Variants in KCNH5 observed in about 807,000 individuals in gnomAD.
The protein encoded by KCNH5 is potassium voltage-gated channel subfamily H member 5.
Under a neutral mutation model 96.1 loss-of-function variants are expected in KCNH5, and 46 were observed. The observed-to-expected ratio is 0.48, with a 90% CI of 0.38 to 0.61. KCNH5 has a LOEUF of 0.61. Among genes scored for constraint, KCNH5 ranks in the 20% least tolerant of loss-of-function variants. KCNH5 has a pLI of 0.00. For synonymous variants in KCNH5, 439 were observed against 449.8 expected, an observed-to-expected ratio of 0.98 and a Z score of 0.30; for missense variants, 907 against 1,225.8, an observed-to-expected ratio of 0.74 and a Z score of 3.88.
intron 8 of KCNH5, among the ~76,000 whole-genome samples, chr14:62,825,478 C>T (rs985616255): frequency 1.3e-5 from 2 of 151,882 alleles, no homozygotes; most frequent in African/African-American, 4.8e-5. Context: ...GACACCTAGT[C>T]TAATTTCCTT....
At chr14:62,732,980 T>G (rs1885082984) in intron 10 of KCNH5, among the ~76,000 whole-genome samples, 1 of 151,950 alleles carries the variant, frequency 6.6e-6, no homozygotes, top group Admixed American at 6.6e-5. Context: ...CTCTCTCTCT[T>G]CTCATCTCTT....
intron 10 of KCNH5, among the ~76,000 whole-genome samples, chr14:62,735,047 T>C (rs963072150): frequency 6.6e-6 from 1 of 152,150 alleles, no homozygotes. Context: ...AGCCTAGATA[T>C]ATATGCCTTA....
intron 8 of KCNH5, among the ~76,000 whole-genome samples, chr14:62,804,964 T>C (rs1886736101): frequency 6.6e-6 from 1 of 152,192 alleles, no homozygotes; most frequent in African/African-American, 2.4e-5. Flanking sequence ...GTTTGACTGG[T>C]TTCCAGACAG....
At chr14:62,786,464 T>C (rs1055626910) in intron 9 of KCNH5, among the ~76,000 whole-genome samples, 4 of 152,070 alleles carry the variant, frequency 2.6e-5, no homozygotes, top group African/African-American at 9.7e-5. Flanking sequence ...GTAAAATCAC[T>C]ATAGTGAATC....
intron 8 of KCNH5, among the ~76,000 whole-genome samples, chr14:62,823,642 C>T (rs1040740856): frequency 6.6e-6 from 1 of 152,184 alleles, no homozygotes; most frequent in Admixed American, 6.6e-5. Flanking sequence ...TTATTATAAA[C>T]ACTTCAGATT....
chr14:62,999,362 C>T lies in KCNH5; in HGVS notation c.433+1969G>A, dbSNP rs564060568. ...TTGAGAAGTGTCTGTTCATATCCTT[C>T]GCCCACTTTTTGATGGGGTTGTTTG... On this transcript the variant is annotated intron_variant, in intron 4 of 10. Coordinates refer to ENST00000322893, the MANE Select transcript of KCNH5 (RefSeq NM_139318.5). Among the ~76,000 whole-genome samples, 24 of 152,184 alleles carry T rather than the reference C, an allele frequency of 1.6e-4. No homozygotes were observed. The East Asian group carries it at 1.7e-3, about 11-fold the overall frequency.
intron 8 of KCNH5, among the ~76,000 whole-genome samples, chr14:62,807,652 C>T (rs949986741): frequency 2.0e-5 from 3 of 152,014 alleles, no homozygotes; most frequent in East Asian, 1.9e-4. Flanking sequence ...ATGTGGAATT[C>T]GCCATGCCCC....
chr14:62,789,240 C>G (rs910806420), intron 9 of KCNH5, among the ~76,000 whole-genome samples: 1 of 151,994 alleles, frequency 6.6e-6, no homozygotes, highest in African/African-American at 2.4e-5. Context: ...TTCATCCATG[C>G]TGTGGCAAAT....
At chr14:62,780,771 A>G (rs1258175903) in intron 9 of KCNH5, among the ~76,000 whole-genome samples, 1 of 152,172 alleles carries the variant, frequency 6.6e-6, no homozygotes, top group African/African-American at 2.4e-5. Flanking sequence ...CCAAAAGGCC[A>G]TTCTGCCGAG....
chr14:63,010,724 G>A (rs545987099), intron 2 of KCNH5, among the ~76,000 whole-genome samples: 16 of 152,270 alleles, frequency 1.1e-4, no homozygotes, highest in Admixed American at 1.0e-3. Context: ...CTTGTAGCAG[G>A]ATTTATTTAT....
chr14:62,860,613 A>G (rs563997510), intron 7 of KCNH5, among the ~76,000 whole-genome samples: 31 of 152,212 alleles, frequency 2.0e-4, no homozygotes, highest in South Asian at 4.1e-4. Context: ...ACCAGAGAGT[A>G]AAACTCTATG....
chr14:62,770,778 T>C (rs1358410493), intron 10 of KCNH5, among the ~76,000 whole-genome samples: 1 of 152,216 alleles, frequency 6.6e-6, no homozygotes, highest in African/African-American at 2.4e-5. Flanking sequence ...CCAGTAATGT[T>C]ACACTCCAGC....
intron 7 of KCNH5, among the ~76,000 whole-genome samples, chr14:62,867,976 G>A (rs1452006342): frequency 6.6e-6 from 1 of 152,218 alleles, no homozygotes; most frequent in East Asian, 1.9e-4. Flanking sequence ...ATTGGATTGT[G>A]AATATGCTTG....
chr14:62,852,593 GC>G (rs1342574302), intron 7 of KCNH5, among the ~76,000 whole-genome samples: 3 of 98,530 alleles, frequency 3.0e-5, no homozygotes, highest in East Asian at 3.0e-4. Flanking sequence ...AAACTAGAGA[GC>G]TTTTTTTTTT....
chr14:62,983,231 G>A (rs371982195), intron 5 of KCNH5, among the ~76,000 whole-genome samples: 59 of 151,902 alleles, frequency 3.9e-4, no homozygotes, highest in African/African-American at 1.3e-3. Flanking sequence ...AAAATTAGCC[G>A]GGCTTGTTGG....
At chr14:63,041,373 T>C (rs1035287104) in intron 1 of KCNH5, among the ~76,000 whole-genome samples, 20 of 152,152 alleles carry the variant, frequency 1.3e-4, no homozygotes, top group Admixed American at 5.9e-4. Flanking sequence ...ATCCTAATAA[T>C]GTTCTAGACA....
At chr14:63,037,559 A>C (rs1891745592) in intron 1 of KCNH5, among the ~76,000 whole-genome samples, 1 of 152,174 alleles carries the variant, frequency 6.6e-6, no homozygotes, top group East Asian at 1.9e-4. Context: ...ATGTATAAAA[A>C]TAAAATCATT....
intron 7 of KCNH5, among the ~76,000 whole-genome samples, chr14:62,872,888 C>T (rs1364886838): frequency 6.6e-6 from 1 of 151,582 alleles, no homozygotes; most frequent in Non-Finnish European, 1.5e-5. Flanking sequence ...AGAAGGCTCC[C>T]GCCTGTAATC....
chr14:62,925,616 T>C (rs1889460095), intron 7 of KCNH5, among the ~76,000 whole-genome samples: 1 of 152,044 alleles, frequency 6.6e-6, no homozygotes, highest in Non-Finnish European at 1.5e-5. Flanking sequence ...ACCAACCCCA[T>C]CTCAGCACCC....
Sources: allele counts gnomAD v4.1 joint callset (sites outside exome capture counted in the v4.1 genomes callset), GRCh38; gene constraint gnomAD v4.1.1; transcripts MANE v1.5; gene names NCBI Gene and HGNC (gene_info 2026-07-23, HGNC 2026-07-21).